The following WARS2 variants were observed in gnomAD, a reference collection of about 807,000 sequenced individuals.
WARS2 encodes tryptophan--tRNA ligase, mitochondrial.
In WARS2, 28 loss-of-function variants were observed where a neutral mutation model predicts 36.5. The observed-to-expected ratio is 0.77, with a 90% confidence interval of 0.57 to 1.05. The LOEUF (loss-of-function observed/expected upper bound fraction) is 1.05, where lower values mean the gene tolerates loss of function less well. Ranked by LOEUF, WARS2 falls within the 50% of genes least tolerant of loss-of-function variation. The probability of loss-of-function intolerance (pLI) is 0.00; values close to 1 mark genes in which losing one functional copy is unlikely to be tolerated. For synonymous variants in WARS2, 174 were observed against 178.4 expected (o/e 0.98, Z 0.20); for missense variants, 435 against 456.8 (o/e 0.95, Z 0.44).
chr1:119,096,036 G>A (rs1346177192), intron 1 of WARS2, among the ~76,000 whole-genome samples: 1 of 152,152 alleles, frequency 6.6e-6, no homozygotes. Context: ...GTGTGTCTAT[G>A]TGTCTGTGTA....
rs80172736 is a variant in WARS2 at position 119,093,998 on chromosome 1, T to C, written c.91-17391A>G. Among the ~76,000 whole-genome samples, 6 of 152,276 alleles carry C rather than the reference T, an allele frequency of 3.9e-5. No individual in the cohort carries two copies. In the East Asian group the frequency reaches 1.2e-3, roughly 29 times the overall value. On this transcript the variant is annotated intron_variant, in intron 1 of 5. Coordinates refer to ENST00000235521, the MANE Select transcript of WARS2 (RefSeq NM_015836.4). The stretch of plus-strand genomic sequence containing the variant: ...CCAAACCACAACTGTATGTAGGTAG[T>C]AGTGCTGAGAGGCAGGAAGCATTAT...
chr1:119,046,739 T>A (rs1383975132), intron 2 of WARS2, among the ~76,000 whole-genome samples: 2 of 151,676 alleles, frequency 1.3e-5, no homozygotes, highest in East Asian at 3.9e-4. Context: ...CCCGTTTCTT[T>A]ACTCTGGGGA....
chr1:119,048,684 G>A (rs1013441262), intron 2 of WARS2, among the ~76,000 whole-genome samples: 11 of 152,138 alleles, frequency 7.2e-5, no homozygotes, highest in African/African-American at 2.2e-4. Context: ...GGACCTAGAC[G>A]AGGAGAAAAA....
At chr1:119,085,463 T>A in intron 1 of WARS2, 7 of 1,526,914 alleles carry the variant, frequency 4.6e-6, no homozygotes, top group Non-Finnish European at 6.1e-6. Context: ...TTTCTTTTTT[T>A]CCTTTTTGTC....
intron 1 of WARS2, among the ~76,000 whole-genome samples, chr1:119,097,637 C>T (rs587703383): frequency 6.6e-6 from 1 of 152,338 alleles, no homozygotes; most frequent in East Asian, 1.9e-4. Context: ...GCTTTGTCCT[C>T]CCTCTATTAT....
In WARS2 at chr1:119,135,866, G is replaced by A. The variant is rs375063620; in HGVS notation, c.90+4689C>T. Reference sequence around the variant, plus strand: ...TCGCTGCTCACTGAAGCCTTCCTGGGCTCAGGTGATTCTCCTACCTCAGTC... The same window carrying A: ...TCGCTGCTCACTGAAGCCTTCCTGGACTCAGGTGATTCTCCTACCTCAGTC... On this transcript the variant is annotated intron_variant, in intron 1 of 5. Coordinates refer to ENST00000235521, the MANE Select transcript of WARS2 (RefSeq NM_015836.4). 1.0e-3 allele frequency among the ~76,000 whole-genome samples: 154 copies of A among 152,066 alleles called. 1 individual carries two copies. Among genetic ancestry groups the A allele is most frequent in the African/African-American group, 3.6e-3 (148 of 41,506 alleles).
intron 1 of WARS2, among the ~76,000 whole-genome samples, chr1:119,113,870 T>C (rs4659149): frequency 6.6e-6 from 1 of 151,666 alleles, no homozygotes. Flanking sequence ...AGCACACCTC[T>C]AGCTCTTTTC....
Position 119,032,856 on chromosome 1 carries a change from T to A in WARS2, c.*55A>T. ...TTTCTTTTTAGGAAAGCTGCCGTTATCAGAATGCATGGAGTGCAAGGCACA... is the reference window on the plus strand; with the variant it reads ...TTTCTTTTTAGGAAAGCTGCCGTTAACAGAATGCATGGAGTGCAAGGCACA... On this transcript the variant is annotated 3_prime_UTR_variant, in exon 6 of 6. Coordinates refer to ENST00000235521, the MANE Select transcript of WARS2 (RefSeq NM_015836.4). 1 of 1,492,386 alleles carries A rather than the reference T, an allele frequency of 6.7e-7. No individual in the cohort carries two copies. The allele number at this position is 1,492,386 out of a possible 1,614,324, so 92.4% of individuals were successfully genotyped here.
intron 2 of WARS2, among the ~76,000 whole-genome samples, chr1:119,046,939 T>C (rs1158523591): frequency 6.6e-6 from 1 of 152,160 alleles, no homozygotes; most frequent in Non-Finnish European, 1.5e-5. Context: ...TCGCCATCTG[T>C]TGTAAGATAG....
At chr1:119,126,640 G>T in intron 1 of WARS2, 1 of 706,492 alleles carries the variant, frequency 1.4e-6, no homozygotes. Context: ...CCTTCACCAC[G>T]AAGCTCCATA....
rs569356139 is a variant in WARS2, at chr1:119,052,604, T to C, written c.349-6942A>G. Among the ~76,000 whole-genome samples, 4 of 152,336 alleles carry C rather than the reference T, an allele frequency of 2.6e-5. No homozygotes were observed. The South Asian group carries it at 8.3e-4, about 32-fold the overall frequency. On this transcript the variant is annotated intron_variant, in intron 2 of 5. Coordinates refer to ENST00000235521, the MANE Select transcript of WARS2 (RefSeq NM_015836.4). Reference sequence around the variant, plus strand: ...TTAGTCTAATACTTCCAAAGTTAAATAAGTAGCTTCTGTCAGGCTGTTCTT... The same window carrying C: ...TTAGTCTAATACTTCCAAAGTTAAACAAGTAGCTTCTGTCAGGCTGTTCTT...
At chr1:119,034,058 T>A in intron 5 of WARS2, 37 bp downstream of exon 5, 2 of 1,566,662 alleles carry the variant, frequency 1.3e-6, no homozygotes, top group Non-Finnish European at 1.8e-6. Flanking sequence ...CTCTTTAGAA[T>A]ATACCCTGAT....
At chr1:119,110,852 TG>T (rs1654580205) in intron 1 of WARS2, among the ~76,000 whole-genome samples, 1 of 152,142 alleles carries the variant, frequency 6.6e-6, no homozygotes, top group Admixed American at 6.5e-5. Context: ...TTTTTCTCAT[TG>T]CTTTTCAGTT....
chr1:119,066,007 T>C (rs1413907121), intron 2 of WARS2, among the ~76,000 whole-genome samples: 2 of 152,040 alleles, frequency 1.3e-5, no homozygotes, highest in South Asian at 2.1e-4. Flanking sequence ...AAGCAAAACT[T>C]ACCACATTCA....
intron 2 of WARS2, among the ~76,000 whole-genome samples, chr1:119,070,527 A>G (rs1651214856): frequency 6.6e-6 from 1 of 152,042 alleles, no homozygotes; most frequent in Non-Finnish European, 1.5e-5. Context: ...TCAGCCTCCC[A>G]AAGTGCTGGT....
intron 1 of WARS2, among the ~76,000 whole-genome samples, chr1:119,139,212 T>A (rs987074606): frequency 5.3e-5 from 8 of 152,202 alleles, no homozygotes; most frequent in African/African-American, 1.7e-4. Context: ...TGAATTGTCT[T>A]ACCTAACATT....
chr1:119,109,408 T>C (rs186501825), intron 1 of WARS2, among the ~76,000 whole-genome samples: 1 of 152,136 alleles, frequency 6.6e-6, no homozygotes, highest in African/African-American at 2.4e-5. Context: ...TATCATGTCT[T>C]TTTAGAGAAT....
intron 2 of WARS2, among the ~76,000 whole-genome samples, chr1:119,052,448 G>A (rs1000453815): frequency 6.6e-6 from 1 of 152,162 alleles, no homozygotes; most frequent in Non-Finnish European, 1.5e-5. Context: ...GAACTCTGGG[G>A]TTCTGATTTT....
chr1:119,128,073 A>T (rs182915965), intron 1 of WARS2, among the ~76,000 whole-genome samples: 2 of 151,934 alleles, frequency 1.3e-5, no homozygotes, highest in Admixed American at 6.6e-5. Context: ...TTTTTTTAAA[A>T]TTTTTTAACT....
Sources: gnomAD v4.1 joint callset for allele counts (sites outside exome capture counted in the v4.1 genomes callset) on GRCh38, gnomAD v4.1.1 for gene constraint, MANE v1.5 for transcripts, NCBI Gene and HGNC (gene_info 2026-07-23, HGNC 2026-07-21) for gene names.